The following PTPN21 variants were observed in gnomAD, a reference collection of about 807,000 sequenced individuals.
The protein encoded by PTPN21 is protein tyrosine phosphatase non-receptor type 21.
PTPN21 carries 77 observed loss-of-function variants against 131.8 expected under a neutral mutation model. The observed-to-expected ratio is 0.58, with a 90% CI of 0.49 to 0.71. The LOEUF is 0.71. PTPN21 is among the 30% of genes least tolerant of loss of function. The pLI is 0.00. For synonymous variants in PTPN21, 715 were observed against 621.3 expected, an observed-to-expected ratio of 1.15 and a Z score of -2.24; for missense variants, 1,552 against 1,527.1, an observed-to-expected ratio of 1.02 and a Z score of -0.27.
rs534794830 is a variant in PTPN21, at chr14:88,468,945, T to G, written c.3367A>C (p.Ile1123Leu). Residue 1123 changes from isoleucine to leucine, a missense_variant, in exon 18 of 19, where the codon ATC becomes CTC. Ile to Leu is a conservative substitution (Grantham distance 5). Coordinates refer to ENST00000556564, the MANE Select transcript of PTPN21 (RefSeq NM_007039.4). ...TTGTGTTCCAGGCAGGCGATCATGA[T>G]CTCCGACAAAATCACCACGCCAGTC... ...GRTGVVILSEIMIACLEHNEV... is the reference protein window; with the variant it reads ...GRTGVVILSELMIACLEHNEV... 16 of 1,614,130 alleles carry G rather than the reference T, an allele frequency of 9.9e-6. No individual in the cohort carries two copies. The East Asian group carries it at 2.9e-4, about 29-fold the overall frequency.
At chr14:88,526,347 A>G (rs546298172) in intron 2 of PTPN21, among the ~76,000 whole-genome samples, 1 of 152,138 alleles carries the variant, frequency 6.6e-6, no homozygotes, top group Admixed American at 6.6e-5. Flanking sequence ...CAGGAGTTCA[A>G]GACCAGCCTG....
chr14:88,534,930 T>C (rs1371178339), intron 2 of PTPN21, among the ~76,000 whole-genome samples: 1 of 152,154 alleles, frequency 6.6e-6, no homozygotes, highest in Non-Finnish European at 1.5e-5. Flanking sequence ...ACAGTGTTTC[T>C]AGAGGCTACA....
In PTPN21 at chr14:88,479,374, C is replaced by T. The variant is rs2077600856; in HGVS notation, c.2057G>A (p.Gly686Glu). The T allele has an allele frequency of 6.2e-7, 1 of 1,610,658 alleles. No individual in the cohort carries two copies. Among genetic ancestry groups the T allele is most frequent in the South Asian group, 1.1e-5 (1 of 91,076 alleles). ...CCTCAAGCCCTCCGCCTCCTCCGGC[C>T]CTTCTCGCTGTGTCCTCTCGGTGAA... The part of the protein sequence containing the change: ...SVFTERTQRE[G>E]PEEAEGLRYG... The change falls in exon 13 of 19, where the codon GGG (glycine) becomes GAG (glutamate). Residue 686 changes from glycine (G) to glutamate (E), a missense_variant. This residue lies in a region of PTPN21 where 1,016 missense variants were observed against 883.5 expected (regional missense o/e 1.15). Coordinates refer to ENST00000556564, the MANE Select transcript of PTPN21 (RefSeq NM_007039.4).
chr14:88,469,447 G>GT lies in PTPN21; in HGVS notation c.3235+51dup. The GT allele has an allele frequency of 7.0e-7, 1 of 1,437,260 alleles. No homozygotes were observed. The highest frequency in any genetic ancestry group is 1.4e-5 in the African/African-American group (1 of 71,250). The allele number at this position is 1,437,260 out of a possible 1,614,324, so 89.0% of individuals were successfully genotyped here. A position where few individuals can be genotyped will look rare whatever the true frequency, so the allele number is the denominator to read the frequency against. On this transcript the variant is annotated intron_variant, in intron 17 of 18. Coordinates refer to ENST00000556564, the MANE Select transcript of PTPN21 (RefSeq NM_007039.4). The surrounding 1 kb of genome is among the most constrained non-coding windows in gnomAD (Gnocchi z 4.3). The stretch of plus-strand genomic sequence containing the variant: ...TTCGGAAACATAAATGTTCCTCTCT[G>GT]TTTAACACCTCCAGAGGCAGCTGTC...
intron 2 of PTPN21, among the ~76,000 whole-genome samples, chr14:88,522,427 C>CAAAAAAAAAAAAA (rs1177147324): frequency 2.4e-5 from 1 of 42,190 alleles, no homozygotes; most frequent in Admixed American, 2.5e-4. Flanking sequence ...AAGACTGTCT[C>CAAAAAAAAAAAAA]AAAAAAAAAA....
intron 8 of PTPN21, among the ~76,000 whole-genome samples, chr14:88,497,785 A>G (rs957329000): frequency 6.6e-6 from 1 of 150,978 alleles, no homozygotes; most frequent in Admixed American, 6.6e-5. Flanking sequence ...CCTCAAACAA[A>G]CAAACAAAGA....
chr14:88,511,610 A>G (rs540616457), intron 3 of PTPN21, among the ~76,000 whole-genome samples: 4 of 152,206 alleles, frequency 2.6e-5, no homozygotes, highest in Non-Finnish European at 5.9e-5. Flanking sequence ...CGGATGTTGC[A>G]GTGAGCCAAG....
In PTPN21 at chr14:88,497,302, C is replaced by T; in HGVS notation, c.765-12G>A. Reference sequence around the variant, plus strand: ...CAATGTCATGCCACCTAAAGAACAGCAAATAGAGAACTGGCAATGTGAGTG... The same window carrying T: ...CAATGTCATGCCACCTAAAGAACAGTAAATAGAGAACTGGCAATGTGAGTG... On this transcript the variant is annotated splice_polypyrimidine_tract_variant and intron_variant, in intron 8 of 18. Transcript: ENST00000556564. The T allele has an allele frequency of 1.2e-6, 2 of 1,602,660 alleles. No homozygotes were observed. The highest frequency in any genetic ancestry group is 1.7e-6 in the Non-Finnish European group (2 of 1,169,824).
intron 2 of PTPN21, 107 bp downstream of exon 2, chr14:88,550,131 C>T: frequency 1.7e-6 from 2 of 1,190,666 alleles, no homozygotes; most frequent in Non-Finnish European, 2.3e-6. Flanking sequence ...CCAGGCTAGG[C>T]TCGAACTCCT....
intron 2 of PTPN21, among the ~76,000 whole-genome samples, chr14:88,533,834 G>C (rs143645323): frequency 0.014 from 2,143 of 152,204 alleles, 49 homozygotes; most frequent in African/African-American, 0.049. Context: ...TTGAGCCACT[G>C]CACTACAGCC....
chr14:88,530,755 T>C (rs1320716062), intron 2 of PTPN21, among the ~76,000 whole-genome samples: 2 of 151,970 alleles, frequency 1.3e-5, no homozygotes, highest in Non-Finnish European at 1.5e-5. Context: ...TAGATATATA[T>C]GCACCTAACA....
chr14:88,498,663 G>A (rs2077962643), intron 8 of PTPN21, among the ~76,000 whole-genome samples: 1 of 152,154 alleles, frequency 6.6e-6, no homozygotes, highest in Admixed American at 6.5e-5. Context: ...AGTGCTGCAG[G>A]TATTAAAATA....
At chr14:88,516,543 C>T (rs1216365710) in intron 3 of PTPN21, among the ~76,000 whole-genome samples, 1 of 151,998 alleles carries the variant, frequency 6.6e-6, no homozygotes, top group Non-Finnish European at 1.5e-5. Flanking sequence ...ACACTTAGTT[C>T]CTCTATTCTG....
In PTPN21 at chr14:88,554,149, A is replaced by C. The variant is rs908572402; in HGVS notation, c.-203+502T>G. On this transcript the variant is annotated intron_variant, in intron 1 of 18. Transcript: ENST00000556564. ...TTAGTATAAGGCTTTCTCAGCAAAA[A>C]AGAAAATAGGACGAGCATGCCAAGA... Among the ~76,000 whole-genome samples, 16 of 152,328 alleles carry C rather than the reference A, an allele frequency of 1.1e-4. No individual in the cohort carries two copies. The East Asian group carries it at 2.7e-3, about 26-fold the overall frequency.
chr14:88,549,376 G>C (rs551553853), intron 2 of PTPN21, among the ~76,000 whole-genome samples: 6 of 152,306 alleles, frequency 3.9e-5, no homozygotes, highest in African/African-American at 1.4e-4. Context: ...ATTCACATTT[G>C]ATTCTGGATT....
Position 88,469,995 on chromosome 14 carries a change from T to G in PTPN21, c.2927A>C (p.Asn976Thr). ...CATCTGCCAAAAATCTTGACAGGTA[T>G]TCTGTAATGGTCCCTGTGTGGCAAT... ...DYIATQGPLQ[N>T]TCQDFWQMVW... The change falls in exon 16 of 19, where the codon AAT becomes ACT. Residue 976 changes from asparagine to threonine, a missense_variant. By Grantham distance (65) the Asn-to-Thr change is moderately conservative. This residue lies in a region of PTPN21 where 316 missense variants were observed against 378.5 expected (regional missense o/e 0.83). Transcript: ENST00000556564. This position sits in a 1 kb window ranked among gnomAD's most constrained non-coding sequence, Gnocchi z 4.3. 1 of 1,613,316 alleles carries G rather than the reference T, an allele frequency of 6.2e-7. No individual in the cohort carries two copies. The highest frequency in any genetic ancestry group is 8.5e-7 in the Non-Finnish European group (1 of 1,179,224).
At chr14:88,544,865 T>C (rs2078753626) in intron 2 of PTPN21, among the ~76,000 whole-genome samples, 1 of 152,106 alleles carries the variant, frequency 6.6e-6, no homozygotes, top group Non-Finnish European at 1.5e-5. Context: ...TCTCACTCTG[T>C]CGCCCAGGCT....
rs1415695732 is a variant in PTPN21, at chr14:88,467,368, GA to G, written c.*768del. On this transcript the variant is annotated 3_prime_UTR_variant, in exon 19 of 19. Coordinates refer to ENST00000556564, the MANE Select transcript of PTPN21 (RefSeq NM_007039.4). ...TTCATTTAGATCTATGAATAATACT[GA>G]AAAAATAATGCTTATTCTCTTACAT... The G allele has an allele frequency of 1.3e-5, 2 of 152,064 alleles. No homozygotes were observed. Among genetic ancestry groups the G allele is most frequent in the Non-Finnish European group, 2.9e-5 (2 of 68,004 alleles). 9.4% of individuals were successfully genotyped at this position (152,064 alleles called of 1,614,324 possible).
intron 12 of PTPN21, among the ~76,000 whole-genome samples, chr14:88,484,455 T>C (rs1241198073): frequency 2.0e-5 from 3 of 152,086 alleles, no homozygotes; most frequent in African/African-American, 7.2e-5. Flanking sequence ...GTTTAACTTT[T>C]ACAATAGGAA....
Sources: allele counts gnomAD v4.1 joint callset (sites outside exome capture counted in the v4.1 genomes callset), GRCh38; gene constraint gnomAD v4.1.1; regional missense constraint gnomAD v4.1.1; non-coding constraint Gnocchi (gnomAD v3.1); transcripts MANE v1.5; gene names NCBI Gene and HGNC (gene_info 2026-07-23, HGNC 2026-07-21).